The following PCSK2 variants were observed in gnomAD, a reference collection of about 807,000 sequenced individuals.
The protein encoded by PCSK2 is proprotein convertase subtilisin/kexin type 2.
A neutral mutation model predicts 69.7 loss-of-function variants in PCSK2; 14 were observed. The ratio of observed to expected loss-of-function variants is 0.20; its 90% CI spans 0.13 to 0.31. The LOEUF (loss-of-function observed/expected upper bound fraction) is 0.31, where lower values mean the gene tolerates loss of function less well. Ranked by LOEUF, PCSK2 falls within the 10% of genes least tolerant of loss-of-function variation. PCSK2 has a pLI of 1.00. For synonymous variants in PCSK2, 307 were observed against 320.7 expected, an observed-to-expected ratio of 0.96 and a Z score of 0.46; for missense variants, 544 against 842.5, an observed-to-expected ratio of 0.65 and a Z score of 4.39.
intron 2 of PCSK2, among the ~76,000 whole-genome samples, chr20:17,262,302 GC>G (rs1264752460): frequency 6.6e-6 from 1 of 152,088 alleles, no homozygotes. Flanking sequence ...CATCTGCCTT[GC>G]CCATGAAGAC....
intron 2 of PCSK2, among the ~76,000 whole-genome samples, chr20:17,318,929 G>T (rs940625610): frequency 6.6e-6 from 1 of 152,154 alleles, no homozygotes; most frequent in African/African-American, 2.4e-5. Context: ...AGAAATGGGG[G>T]AATAAGACAG....
chr20:17,397,553 C>CT (rs920331965), intron 5 of PCSK2, among the ~76,000 whole-genome samples: 130 of 151,994 alleles, frequency 8.6e-4, no homozygotes, highest in African/African-American at 3.1e-3. Context: ...GATCTCGGCT[C>CT]ACTGCAACCT....
At chr20:17,348,046 GAAAGGAAA>G (rs751838328) in intron 2 of PCSK2, among the ~76,000 whole-genome samples, 1,279 of 43,548 alleles carry the variant, frequency 0.029, 32 homozygotes, top group African/African-American at 0.046. Flanking sequence ...AAGAAAGAAA[GAAAGGAAA>G]GAAAGAAAGA....
At chr20:17,449,963 C>A (rs912636050) in intron 8 of PCSK2, among the ~76,000 whole-genome samples, 1 of 149,398 alleles carries the variant, frequency 6.7e-6, no homozygotes, top group Non-Finnish European at 1.5e-5. Flanking sequence ...AGGTTCAAAG[C>A]CTTATTTAGC....
chr20:17,479,129 T>A, intron 11 of PCSK2: 1 of 1,356,034 alleles, frequency 7.4e-7, no homozygotes, highest in Non-Finnish European at 1.1e-6. Flanking sequence ...CAGTTCATGG[T>A]CCAGTTCTCC....
At chr20:17,323,809 T>C (rs1357693913) in intron 2 of PCSK2, among the ~76,000 whole-genome samples, 1 of 152,230 alleles carries the variant, frequency 6.6e-6, no homozygotes, top group Non-Finnish European at 1.5e-5. Flanking sequence ...TTTATCCAGG[T>C]GAGCTGACAC....
chr20:17,448,482 T>C (rs532530979), intron 8 of PCSK2, among the ~76,000 whole-genome samples: 3 of 152,334 alleles, frequency 2.0e-5, no homozygotes, highest in Non-Finnish European at 4.4e-5. Context: ...ATTTTGGGCT[T>C]GTGAGAGGCT....
chr20:17,371,959 A>C (rs543055927), intron 5 of PCSK2, among the ~76,000 whole-genome samples: 1 of 152,276 alleles, frequency 6.6e-6, no homozygotes, highest in South Asian at 2.1e-4. Flanking sequence ...CCTGGAAAAA[A>C]GAAAACAGGC....
intron 1 of PCSK2, among the ~76,000 whole-genome samples, chr20:17,254,486 T>G (rs1015366387): frequency 1.3e-5 from 2 of 152,202 alleles, no homozygotes; most frequent in Non-Finnish European, 2.9e-5. Context: ...CTAGCATCCA[T>G]GTTGAAAATC....
intron 5 of PCSK2, among the ~76,000 whole-genome samples, chr20:17,385,002 G>A (rs939421948): frequency 2.6e-5 from 4 of 152,282 alleles, no homozygotes; most frequent in African/African-American, 4.8e-5. Context: ...TGTACCTAAC[G>A]TAAGGGTTGG....
chr20:17,431,519 A>G (rs2032367409), intron 7 of PCSK2, among the ~76,000 whole-genome samples: 1 of 152,182 alleles, frequency 6.6e-6, no homozygotes, highest in African/African-American at 2.4e-5. Context: ...AGGGCATCAC[A>G]GCAACGTTTT....
chr20:17,333,167 A>G (rs1488009850), intron 2 of PCSK2, among the ~76,000 whole-genome samples: 1 of 152,242 alleles, frequency 6.6e-6, no homozygotes, highest in East Asian at 1.9e-4. Context: ...TACTGTTTGC[A>G]ACTTTCAAAC....
At chr20:17,335,193 T>C (rs1234177722) in intron 2 of PCSK2, among the ~76,000 whole-genome samples, 10 of 151,506 alleles carry the variant, frequency 6.6e-5, no homozygotes, top group African/African-American at 2.2e-4. Flanking sequence ...CAGCGGAGAT[T>C]GGGGGGGTTG....
chr20:17,453,634 T>C lies in PCSK2; in HGVS notation c.886-108T>C, dbSNP rs1362836179. The stretch of plus-strand genomic sequence containing the variant: ...AACCCAGTTTAAAAAGTGCACCCAG[T>C]CTTTAGGTTCAACTGCTGAAGAAGC... On this transcript the variant is annotated intron_variant, in intron 8 of 11. Transcript: ENST00000262545. The surrounding 1 kb of genome is among the most constrained non-coding windows in gnomAD (Gnocchi z 4.0). 13 of 1,167,474 alleles carry C rather than the reference T, an allele frequency of 1.1e-5. No individual in the cohort carries two copies. In the South Asian group the frequency reaches 1.7e-4, roughly 15 times the overall value. 72.3% of individuals were successfully genotyped at this position (1,167,474 alleles called of 1,614,324 possible). A position where few individuals can be genotyped will look rare whatever the true frequency, so the allele number is the denominator to read the frequency against.
chr20:17,303,724 G>A (rs1410645747), intron 2 of PCSK2, among the ~76,000 whole-genome samples: 4 of 146,410 alleles, frequency 2.7e-5, no homozygotes, highest in Admixed American at 1.4e-4. Context: ...CTACAGGCAC[G>A]TGCCACCCCA....
chr20:17,377,456 G>A (rs62201031), intron 5 of PCSK2, among the ~76,000 whole-genome samples: 11,207 of 152,306 alleles, frequency 0.074, 518 homozygotes, highest in Middle Eastern at 0.21. Flanking sequence ...CAGGGGGCAT[G>A]TGGCCTCCAT....
chr20:17,251,218 A>G (rs750908102), intron 1 of PCSK2, among the ~76,000 whole-genome samples: 1 of 152,246 alleles, frequency 6.6e-6, no homozygotes, highest in Non-Finnish European at 1.5e-5. Context: ...AGCAAAATAC[A>G]GCACACATAC....
intron 2 of PCSK2, among the ~76,000 whole-genome samples, chr20:17,281,343 C>T (rs1988304368): frequency 6.6e-6 from 1 of 152,158 alleles, no homozygotes; most frequent in Non-Finnish European, 1.5e-5. Context: ...AGAATGCAGT[C>T]CAGAAGGAAA....
At chr20:17,431,799 A>G (rs753430066) in intron 7 of PCSK2, among the ~76,000 whole-genome samples, 6 of 152,216 alleles carry the variant, frequency 3.9e-5, no homozygotes, top group Non-Finnish European at 8.8e-5. Flanking sequence ...TTACAAATTT[A>G]AGGAAAACAT....
Sources: gnomAD v4.1 joint callset for allele counts (sites outside exome capture counted in the v4.1 genomes callset) on GRCh38, gnomAD v4.1.1 for gene constraint, Gnocchi (gnomAD v3.1) non-coding constraint, MANE v1.5 for transcripts, NCBI Gene and HGNC (gene_info 2026-07-23, HGNC 2026-07-21) for gene names.